Variants in ALDH9A1 observed in about 807,000 individuals in gnomAD.
The protein encoded by ALDH9A1 is aldehyde dehydrogenase 9 family member A1, also known as 4-trimethylaminobutyraldehyde dehydrogenase.
Under a neutral mutation model 56.6 loss-of-function variants are expected in ALDH9A1, and 42 were observed. That is an observed-to-expected ratio of 0.74 (90% CI 0.58 to 0.96). ALDH9A1 has a LOEUF of 0.96. Ranked by LOEUF, ALDH9A1 falls within the 40% of genes least tolerant of loss-of-function variation. The pLI, the probability that ALDH9A1 is intolerant of heterozygous loss-of-function variation, is 0.00. For synonymous variants in ALDH9A1, 242 were observed against 236.0 expected (o/e 1.03, Z -0.23); for missense variants, 661 against 651.5 (o/e 1.01, Z -0.16).
intron 6 of ALDH9A1, among the ~76,000 whole-genome samples, chr1:165,675,593 A>G (rs1649333071): frequency 6.6e-6 from 1 of 152,208 alleles, no homozygotes; most frequent in Non-Finnish European, 1.5e-5. Flanking sequence ...GGGGAGCAGT[A>G]ACACTTCTGA....
chr1:165,690,495 G>A (rs763398535), intron 2 of ALDH9A1, among the ~76,000 whole-genome samples: 8 of 152,260 alleles, frequency 5.3e-5, no homozygotes, highest in South Asian at 2.1e-4. Flanking sequence ...ATCTCCCAGC[G>A]TGATCAATGC....
intron 8 of ALDH9A1, 98 bp from the exon 9 acceptor site, chr1:165,667,548 C>T: frequency 7.3e-7 from 1 of 1,364,456 alleles, no homozygotes. Context: ...ACTATGTTGC[C>T]CAGTCTGGTC....
At chr1:165,681,954 C>T (rs542672697) in intron 4 of ALDH9A1, among the ~76,000 whole-genome samples, 153 bp downstream of exon 4, 4 of 152,280 alleles carry the variant, frequency 2.6e-5, no homozygotes, top group South Asian at 2.1e-4. Context: ...AGGGCAGGAA[C>T]GAGCCATGTC....
chr1:165,677,274 T>C (rs990988655), intron 6 of ALDH9A1, among the ~76,000 whole-genome samples: 3 of 152,086 alleles, frequency 2.0e-5, no homozygotes, highest in African/African-American at 7.2e-5. Context: ...GGGAGGATTG[T>C]TTGACCTTGG....
At chr1:165,698,253 A>AG in intron 1 of ALDH9A1, 125 bp downstream of exon 1, 2 of 1,443,658 alleles carry the variant, frequency 1.4e-6, no homozygotes, top group Non-Finnish European at 1.8e-6. Flanking sequence ...ACACAACCTT[A>AG]GACTCTCCAC....
intron 6 of ALDH9A1, among the ~76,000 whole-genome samples, chr1:165,673,566 A>T (rs778602244): frequency 2.0e-5 from 3 of 152,112 alleles, no homozygotes; most frequent in Non-Finnish European, 2.9e-5. Context: ...GATCCTCCCG[A>T]CCCAAAAGAA....
At chr1:165,693,450 A>G (rs1294190058) in intron 2 of ALDH9A1, among the ~76,000 whole-genome samples, 2 of 152,250 alleles carry the variant, frequency 1.3e-5, no homozygotes, top group African/African-American at 4.8e-5. Context: ...TGCAGCCAAA[A>G]GACACATGAA....
chr1:165,670,155 G>A (rs949269202), intron 6 of ALDH9A1, among the ~76,000 whole-genome samples: 1 of 152,118 alleles, frequency 6.6e-6, no homozygotes. Context: ...TAAGAAATCA[G>A]GGCGCAGTGG....
In ALDH9A1 at chr1:165,695,344, C is replaced by T; in HGVS notation, c.235G>A (p.Val79Ile). 2 of 1,613,618 alleles carry T rather than the reference C, an allele frequency of 1.2e-6. No homozygotes were observed. Among genetic ancestry groups the T allele is most frequent in the Non-Finnish European group, 1.7e-6 (2 of 1,179,768 alleles). Residue 79 changes from valine to isoleucine, a missense_variant, in exon 2 of 11, where the codon GTT becomes ATT. Val to Ile is a conservative substitution (Grantham distance 29, BLOSUM62 3). Coordinates refer to ENST00000354775, the MANE Select transcript of ALDH9A1 (RefSeq NM_000696.4). Reference protein sequence around the residue: ...CSGEKEVNLAVQNAKAAFKIW... With the variant: ...CSGEKEVNLAIQNAKAAFKIW... ...TTAAAAGCAGCCTTTGCATTTTGAA[C>T]AGCCAAATTTACTTCCTTTTCTCCT...
chr1:165,668,991 C>G lies in ALDH9A1; in HGVS notation c.1142G>C (p.Gly381Ala). The change falls in exon 8 of 11, where the codon GGA (glycine) becomes GCA (alanine). Residue 381 changes from glycine (G) to alanine (A), a missense_variant. Physicochemically the swap from Gly to Ala is moderately conservative, Grantham distance 60 (BLOSUM62 0). Coordinates refer to ENST00000354775, the MANE Select transcript of ALDH9A1 (RefSeq NM_000696.4). ...KEQGAKVLCG[G>A]DIYVPEDPKL... Reference sequence around the variant, plus strand: ...GGGATCTTCAGGTACATATATATCTCCACCACATAACACTTTAGCACCCTG... The same window carrying G: ...GGGATCTTCAGGTACATATATATCTGCACCACATAACACTTTAGCACCCTG... 6.2e-7 allele frequency: 1 copy of G among 1,611,398 alleles called. No homozygotes were observed. Among genetic ancestry groups the G allele is most frequent in the Non-Finnish European group, 8.5e-7 (1 of 1,178,306 alleles).
chr1:165,698,430 G>A lies in ALDH9A1; in HGVS notation c.129C>T (p.Arg43=). 2 of 1,606,740 alleles carry A rather than the reference G, an allele frequency of 1.2e-6. No individual in the cohort carries two copies. Among genetic ancestry groups the A allele is most frequent in the African/African-American group, 1.3e-5 (1 of 74,086 alleles). The change falls in exon 1 of 11, where the codon CGC becomes CGT. Residue 43 remains arginine (R), a synonymous_variant. Transcript: ENST00000354775. ...SQPLNYRGGA[R]VEPADASGTE... ...TACCGGAGGCGTCCGCCGGCTCCAC[G>A]CGGGCCCCGCCGCGGTAATTGAGCG...
At chr1:165,678,971 G>A (rs912220941) in intron 6 of ALDH9A1, among the ~76,000 whole-genome samples, 8 of 151,894 alleles carry the variant, frequency 5.3e-5, no homozygotes, top group Non-Finnish European at 8.8e-5. Flanking sequence ...ATCCTAGACC[G>A]GAAAAAAAAC....
chr1:165,675,578 A>C (rs1371165037), intron 6 of ALDH9A1, among the ~76,000 whole-genome samples: 1 of 152,232 alleles, frequency 6.6e-6, no homozygotes, highest in Non-Finnish European at 1.5e-5. Context: ...CAGAGTACAC[A>C]GGATGGGGAG....
rs751677915 is a variant in ALDH9A1, at chr1:165,669,412, T to C, written c.969A>G (p.Glu323=). 3.4e-5 allele frequency: 55 copies of C among 1,613,694 alleles called. No homozygotes were observed. The highest frequency in any genetic ancestry group is 4.5e-5 in the Non-Finnish European group (53 of 1,179,882). Reference sequence around the variant, plus strand: ...CTTCCTCTGTAAATTTATCAAGAATTTCTTTCTGCACAAATACTCTTGTGC... The same window carrying C: ...CTTCCTCTGTAAATTTATCAAGAATCTCTTTCTGCACAAATACTCTTGTGC... The part of the protein sequence containing the change: ...CNGTRVFVQK[E]ILDKFTEEVV... The change falls in exon 7 of 11, where the codon GAA becomes GAG. Residue 323 remains glutamate (E), a synonymous_variant. Transcript: ENST00000354775.
chr1:165,668,301 C>T (rs891966619), intron 8 of ALDH9A1, among the ~76,000 whole-genome samples: 5 of 152,114 alleles, frequency 3.3e-5, no homozygotes, highest in East Asian at 1.9e-4. Flanking sequence ...CCCTCATGAA[C>T]GGTTTGATGT....
intron 8 of ALDH9A1, 67 bp from the exon 9 acceptor site, chr1:165,667,517 AT>A: frequency 6.4e-7 from 1 of 1,558,306 alleles, no homozygotes; most frequent in Non-Finnish European, 8.7e-7. Flanking sequence ...CCCCCAGCTA[AT>A]TTTTTGAAGA....
chr1:165,674,966 G>A (rs1397802389), intron 6 of ALDH9A1, among the ~76,000 whole-genome samples: 1 of 152,176 alleles, frequency 6.6e-6, no homozygotes, highest in Non-Finnish European at 1.5e-5. Flanking sequence ...GCTGAGGCGG[G>A]TGGATCGCCT....
At chr1:165,689,273 C>A (rs991339424) in intron 2 of ALDH9A1, among the ~76,000 whole-genome samples, 1 of 152,078 alleles carries the variant, frequency 6.6e-6, no homozygotes, top group South Asian at 2.1e-4. Flanking sequence ...AGGACACTGA[C>A]GAGTTGATTG....
intron 9 of ALDH9A1, 143 bp from the exon 10 acceptor site, chr1:165,665,273 C>A: frequency 1.5e-6 from 1 of 670,062 alleles, no homozygotes; most frequent in Non-Finnish European, 2.5e-6. Flanking sequence ...CTTTTATCAT[C>A]CAGGCAAAAC....
Sources: allele counts gnomAD v4.1 joint callset (sites outside exome capture counted in the v4.1 genomes callset), GRCh38; gene constraint gnomAD v4.1.1; transcripts MANE v1.5; gene names NCBI Gene and HGNC (gene_info 2026-07-23, HGNC 2026-07-21).